Variants in KCND2 observed in about 807,000 individuals in gnomAD.
The protein encoded by KCND2 is A-type voltage-gated potassium channel KCND2.
Under a neutral mutation model 54.4 loss-of-function variants are expected in KCND2, and 16 were observed. That is an observed-to-expected ratio of 0.29 (90% CI 0.20 to 0.45). KCND2 has a LOEUF of 0.45. KCND2 is among the 20% of genes least tolerant of loss of function. The probability of loss-of-function intolerance (pLI) is 1.00; values close to 1 mark genes in which losing one functional copy is unlikely to be tolerated. For synonymous variants in KCND2, 317 were observed against 310.7 expected (o/e 1.02, Z -0.21); for missense variants, 486 against 824.2 (o/e 0.59, Z 5.02).
intron 1 of KCND2, among the ~76,000 whole-genome samples, chr7:120,723,874 A>T (rs927613458): frequency 2.0e-5 from 3 of 152,188 alleles, no homozygotes; most frequent in Non-Finnish European, 2.9e-5. Flanking sequence ...ATCTAGGTTA[A>T]AAATGGATTT....
At chr7:120,426,436 T>C (rs948699503) in intron 1 of KCND2, among the ~76,000 whole-genome samples, 1 of 152,150 alleles carries the variant, frequency 6.6e-6, no homozygotes, top group African/African-American at 2.4e-5. Flanking sequence ...GTCAATTTAA[T>C]TTGGATTTGA....
chr7:120,697,266 A>G (rs949819963), intron 1 of KCND2, among the ~76,000 whole-genome samples: 2 of 152,240 alleles, frequency 1.3e-5, no homozygotes, highest in South Asian at 2.1e-4. Flanking sequence ...TTAACTAAGT[A>G]TCTTTCCAGT....
chr7:120,406,848 G>A (rs758289701), intron 1 of KCND2, among the ~76,000 whole-genome samples: 4 of 151,752 alleles, frequency 2.6e-5, no homozygotes, highest in Non-Finnish European at 4.4e-5. Flanking sequence ...TATCTGTATA[G>A]AGTAGAAAAA....
intron 1 of KCND2, among the ~76,000 whole-genome samples, chr7:120,579,991 CTG>C (rs530826365): frequency 8.2e-4 from 125 of 152,178 alleles, no homozygotes; most frequent in Non-Finnish European, 1.6e-3. Flanking sequence ...ACTGAGAAGT[CTG>C]TGGTTGAGGA....
At chr7:120,331,326 A>G (rs1265239503) in intron 1 of KCND2, among the ~76,000 whole-genome samples, 1 of 152,100 alleles carries the variant, frequency 6.6e-6, no homozygotes, top group Admixed American at 6.5e-5. Context: ...TTGTAACAGA[A>G]AAGGATCAAG....
intron 1 of KCND2, among the ~76,000 whole-genome samples, chr7:120,287,916 A>T (rs995111404): frequency 2.0e-5 from 3 of 152,152 alleles, no homozygotes; most frequent in African/African-American, 7.2e-5. Context: ...ATTAGATATT[A>T]TAGATAGAAA....
chr7:120,523,709 T>A (rs1244238189), intron 1 of KCND2, among the ~76,000 whole-genome samples: 2 of 83,196 alleles, frequency 2.4e-5, no homozygotes, highest in East Asian at 9.9e-4. Context: ...ACACTCTGTG[T>A]GTGTGTGTGT....
intron 1 of KCND2, among the ~76,000 whole-genome samples, chr7:120,524,201 C>T (rs1185207253): frequency 6.6e-6 from 1 of 151,498 alleles, no homozygotes; most frequent in African/African-American, 2.4e-5. Context: ...CACCACTGCA[C>T]TCCAGACTGG....
At chr7:120,325,817 A>G (rs995419589) in intron 1 of KCND2, among the ~76,000 whole-genome samples, 7 of 152,080 alleles carry the variant, frequency 4.6e-5, no homozygotes, top group Non-Finnish European at 8.8e-5. Flanking sequence ...ATGATCACTG[A>G]GGTGGCATTG....
At position 120,668,711 on chromosome 7, in the gene KCND2, A is replaced by G. The variant is rs1791956989; in HGVS notation, c.1116-64192A>G. Among the ~76,000 whole-genome samples, 3 of 152,070 alleles carry G rather than the reference A, an allele frequency of 2.0e-5. No homozygotes were observed. The South Asian group carries it at 6.2e-4, about 31-fold the overall frequency. The stretch of plus-strand genomic sequence containing the variant: ...TATATGACTCGAGAAAAGATTATTA[A>G]GAAGAAATATAAGGCACTTTTATAA... On this transcript the variant is annotated intron_variant, in intron 1 of 5. Transcript: ENST00000331113.
At position 120,390,925 on chromosome 7, in the gene KCND2, G is replaced by A. The variant is rs183324023; in HGVS notation, c.1115+115178G>A. On this transcript the variant is annotated intron_variant, in intron 1 of 5. Coordinates refer to ENST00000331113, the MANE Select transcript of KCND2 (RefSeq NM_012281.3). ...TAAATTTTTTTAAATTTTACTTTAA[G>A]TTCTGGGATACATGTGCTGAATGGG... 3.6e-4 allele frequency among the ~76,000 whole-genome samples: 54 copies of A among 152,092 alleles called. 1 individual carries two copies. Among genetic ancestry groups the A allele is most frequent in the African/African-American group, 1.2e-3 (51 of 41,532 alleles).
chr7:120,337,823 T>C (rs557297208), intron 1 of KCND2, among the ~76,000 whole-genome samples: 2 of 152,318 alleles, frequency 1.3e-5, no homozygotes, highest in South Asian at 2.1e-4. Flanking sequence ...TTTTCTGACA[T>C]TGTATCAAGA....
At chr7:120,309,470 TATATACACACACACAC>T (rs1316337756) in intron 1 of KCND2, among the ~76,000 whole-genome samples, 2 of 124,256 alleles carry the variant, frequency 1.6e-5, no homozygotes, top group African/African-American at 6.0e-5. Context: ...TATATATATA[TATATACACACACACAC>T]ACACACACAC....
At chr7:120,419,146 T>C (rs1444812161) in intron 1 of KCND2, among the ~76,000 whole-genome samples, 1 of 152,168 alleles carries the variant, frequency 6.6e-6, no homozygotes, top group Non-Finnish European at 1.5e-5. Context: ...TGTTGTCAAA[T>C]TGGAACATAT....
chr7:120,295,511 G>T (rs943526172), intron 1 of KCND2, among the ~76,000 whole-genome samples: 5 of 151,752 alleles, frequency 3.3e-5, no homozygotes, highest in Admixed American at 6.6e-5. Flanking sequence ...AATCTCGTGA[G>T]GAGTTTCACA....
intron 1 of KCND2, among the ~76,000 whole-genome samples, chr7:120,494,217 G>T (rs934372967): frequency 2.0e-5 from 3 of 152,178 alleles, no homozygotes; most frequent in Admixed American, 2.0e-4. Flanking sequence ...CAATCAGGTG[G>T]CTTCCAAGAC....
At chr7:120,651,670 G>A (rs561426323) in intron 1 of KCND2, among the ~76,000 whole-genome samples, 7 of 152,284 alleles carry the variant, frequency 4.6e-5, no homozygotes, top group East Asian at 3.9e-4. Flanking sequence ...CTGGTATCTC[G>A]GTTGGAAATG....
intron 1 of KCND2, among the ~76,000 whole-genome samples, chr7:120,470,650 C>A (rs947743918): frequency 6.6e-6 from 1 of 151,788 alleles, no homozygotes; most frequent in African/African-American, 2.4e-5. Flanking sequence ...AATTAAGTGA[C>A]CTTTAACTAC....
At chr7:120,332,270 A>G (rs907104456) in intron 1 of KCND2, among the ~76,000 whole-genome samples, 4 of 152,084 alleles carry the variant, frequency 2.6e-5, no homozygotes, top group African/African-American at 9.6e-5. Flanking sequence ...GCAAATATAC[A>G]CTTTTGGAAT....
Sources: gnomAD v4.1 joint callset for allele counts (sites outside exome capture counted in the v4.1 genomes callset) on GRCh38, gnomAD v4.1.1 for gene constraint, MANE v1.5 for transcripts, NCBI Gene and HGNC (gene_info 2026-07-23, HGNC 2026-07-21) for gene names.